The following CCR3 variants were observed in gnomAD, a reference collection of about 807,000 sequenced individuals.
CCR3 encodes the protein C-C motif chemokine receptor 3.
For missense variants in CCR3, 419 were observed against 437.5 expected, an observed-to-expected ratio of 0.96 and a Z score of 0.38; for synonymous variants, 203 against 179.2, an observed-to-expected ratio of 1.13 and a Z score of -1.06.
rs1170098026 is a variant in CCR3, at chr3:46,266,522, T to C, written c.*296T>C. On this transcript the variant is annotated 3_prime_UTR_variant, in exon 2 of 2. Transcript: ENST00000395940. ...GCACCTGAATGTTAGATAGTTACTA[T>C]ATGCCGCTACAAAAAGGTAAAACTT... The C allele has an allele frequency of 6.6e-6, 2 of 303,526 alleles. No homozygotes were observed. The highest frequency in any genetic ancestry group is 1.3e-5 in the Non-Finnish European group (2 of 157,114). The allele number at this position is 303,526 out of a possible 1,614,324, so 18.8% of individuals were successfully genotyped here.
chr3:46,237,547 A>C (rs1158718710), upstream of CCR3, among the ~76,000 whole-genome samples: 2 of 152,254 alleles, frequency 1.3e-5, no homozygotes, highest in South Asian at 2.1e-4. Context: ...CTATGTTTTC[A>C]TGTAGTAGTT....
exon 2 of CCR3, chr3:46,210,733 A>T (rs1699701540): frequency 6.6e-6 from 1 of 152,236 alleles, no homozygotes; most frequent in Non-Finnish European, 1.5e-5. Context: ...CCTCATATTC[A>T]ACTGCTGGGC....
upstream of CCR3, among the ~76,000 whole-genome samples, chr3:46,239,461 T>C (rs1700056776): frequency 6.6e-6 from 1 of 152,200 alleles, no homozygotes; most frequent in African/African-American, 2.4e-5. Flanking sequence ...AAATTTCCAC[T>C]GTAGATGGTG....
At chr3:46,230,994 G>A (rs1330279146) in intron 2 of CCR3, among the ~76,000 whole-genome samples, 3 of 152,134 alleles carry the variant, frequency 2.0e-5, no homozygotes, top group East Asian at 3.9e-4. Flanking sequence ...GCGCGATCTT[G>A]GCTCACTGCA....
chr3:46,238,747 A>G (rs941044328), upstream of CCR3, among the ~76,000 whole-genome samples: 16 of 152,178 alleles, frequency 1.1e-4, no homozygotes, highest in Non-Finnish European at 2.1e-4. Context: ...CAGAGAAAAA[A>G]GTGGGGGGAC....
chr3:46,245,746 T>C (rs1460225670), intron 1 of CCR3, among the ~76,000 whole-genome samples: 1 of 99,834 alleles, frequency 1.0e-5, no homozygotes, highest in Non-Finnish European at 2.4e-5. Flanking sequence ...TGTTGTTCTC[T>C]TCTTTGTGTT....
At position 46,230,884 on chromosome 3, in the gene CCR3, G is replaced by A. The variant is rs41326250; in HGVS notation, c.-67-11518G>A. Among the ~76,000 whole-genome samples the A allele has an allele frequency of 2.6e-3, 390 of 152,226 alleles. 2 individuals carry two copies. The highest frequency in any genetic ancestry group is 9.0e-3 in the African/African-American group (372 of 41,530). ...ACATGTTTTTATTCATTCAGGATTT[G>A]TGCTGCTCAAAACAGATTTTGATCC... is the stretch of plus-strand genomic sequence containing the variant. On this transcript the variant is annotated intron_variant, in intron 2 of 3. Coordinates refer to the CCR3 transcript ENST00000357422.
chr3:46,222,324 G>A (rs1308383070), intron 2 of CCR3, among the ~76,000 whole-genome samples: 1 of 152,200 alleles, frequency 6.6e-6, no homozygotes, highest in Non-Finnish European at 1.5e-5. Context: ...GGCAAGTGAT[G>A]GGTCCAGTAT....
chr3:46,242,086 T>A (rs1480968199), upstream of CCR3, among the ~76,000 whole-genome samples: 1 of 150,436 alleles, frequency 6.6e-6, no homozygotes, highest in Admixed American at 6.6e-5. Context: ...TGAACTGAGA[T>A]CATGCCACTG....
At chr3:46,229,135 T>G (rs146898032) in intron 2 of CCR3, among the ~76,000 whole-genome samples, 42 of 152,310 alleles carry the variant, frequency 2.8e-4, no homozygotes, top group Non-Finnish European at 4.4e-4. Flanking sequence ...GGGATATAGA[T>G]AGAAGTGATA....
chr3:46,265,623 C>T lies in CCR3; in HGVS notation c.465C>T (p.Ile155=), dbSNP rs200162546. The change falls in exon 2 of 2, where the codon ATC becomes ATT. Residue 155 remains isoleucine (I), a synonymous_variant. Coordinates refer to ENST00000395940, the MANE Select transcript of CCR3 (RefSeq NM_178329.3). ...TCACTTTTGGTGTCATCACCAGCAT[C>T]GTCACCTGGGGCCTGGCAGTGCTAG... ...RTVTFGVITS[I]VTWGLAVLAA... is the part of the protein sequence containing the mutation. The T allele has an allele frequency of 1.5e-5, 24 of 1,614,046 alleles. No homozygotes were observed. The highest frequency in any genetic ancestry group is 9.9e-5 in the South Asian group (9 of 91,090).
At chr3:46,255,710 A>AT (rs1472167135) in intron 1 of CCR3, among the ~76,000 whole-genome samples, 2 of 151,992 alleles carry the variant, frequency 1.3e-5, no homozygotes, top group African/African-American at 2.4e-5. Flanking sequence ...TGCCTTAAGT[A>AT]TTTGGGTTTA....
exon 2 of CCR3, chr3:46,210,842 T>C (rs201301197): frequency 2.0e-4 from 31 of 152,364 alleles, no homozygotes; most frequent in African/African-American, 7.5e-4. Flanking sequence ...AATCTCCAGG[T>C]TATCACATCT....
chr3:46,220,805 G>A (rs1699827384), intron 2 of CCR3, among the ~76,000 whole-genome samples: 1 of 152,148 alleles, frequency 6.6e-6, no homozygotes, highest in Non-Finnish European at 1.5e-5. Context: ...TATGCTGTGA[G>A]GATATAAAGG....
chr3:46,218,301 A>G (rs1037855805), intron 2 of CCR3, among the ~76,000 whole-genome samples: 7 of 151,822 alleles, frequency 4.6e-5, no homozygotes, highest in African/African-American at 1.5e-4. Flanking sequence ...ACCAATAACA[A>G]GCAGCAAGAT....
intron 2 of CCR3, among the ~76,000 whole-genome samples, chr3:46,226,052 C>T (rs1309620792): frequency 1.3e-5 from 2 of 152,160 alleles, no homozygotes; most frequent in Non-Finnish European, 2.9e-5. Flanking sequence ...TATCTCTCTG[C>T]CAATATCACT....
upstream of CCR3, among the ~76,000 whole-genome samples, chr3:46,241,750 T>C (rs1251039642): frequency 6.6e-6 from 1 of 152,162 alleles, no homozygotes; most frequent in Non-Finnish European, 1.5e-5. Context: ...TGCAGCCACA[T>C]TTTGCCCCAT....
intron 2 of CCR3, among the ~76,000 whole-genome samples, chr3:46,231,893 C>T (rs1699969433): frequency 6.6e-6 from 1 of 152,172 alleles, no homozygotes; most frequent in South Asian, 2.1e-4. Context: ...GCCCCAATGT[C>T]TCTCTTGCAT....
intron 1 of CCR3, among the ~76,000 whole-genome samples, chr3:46,249,497 C>T (rs1333170434): frequency 1.3e-5 from 2 of 152,104 alleles, no homozygotes; most frequent in Non-Finnish European, 2.9e-5. Context: ...ACTTACCCTC[C>T]ACTGTGAGAG....
Sources: gnomAD v4.1 joint callset for allele counts (sites outside exome capture counted in the v4.1 genomes callset) on GRCh38, gnomAD v4.1.1 for gene constraint, MANE v1.5 for transcripts, NCBI Gene and HGNC (gene_info 2026-07-23, HGNC 2026-07-21) for gene names.